GALNT9: variants seen among roughly 807,000 people sequenced by gnomAD.
GALNT9 encodes the protein GalNAc transferase 9.
In GALNT9, 47 loss-of-function variants were observed where a neutral mutation model predicts 63.1. The ratio of observed to expected loss-of-function variants is 0.75; its 90% confidence interval spans 0.59 to 0.95. The LOEUF (loss-of-function observed/expected upper bound fraction) is 0.95, where lower values mean the gene tolerates loss of function less well. Among genes scored for constraint, GALNT9 ranks in the 40% least tolerant of loss-of-function variants. The pLI, the probability that GALNT9 is intolerant of heterozygous loss-of-function variation, is 0.00. For missense variants in GALNT9, 829 were observed against 874.8 expected, an observed-to-expected ratio of 0.95 and a Z score of 0.66; for synonymous variants, 396 against 365.7, an observed-to-expected ratio of 1.08 and a Z score of -0.94.
At chr12:132,295,672 A>G (rs1270703657) in intron 1 of GALNT9, among the ~76,000 whole-genome samples, 2 of 152,204 alleles carry the variant, frequency 1.3e-5, no homozygotes, top group Non-Finnish European at 2.9e-5. Context: ...TCCCCTGGAG[A>G]CTATGGAGGG....
At chr12:132,202,784 G>A (rs891396765) in intron 7 of GALNT9, among the ~76,000 whole-genome samples, 3 of 152,050 alleles carry the variant, frequency 2.0e-5, no homozygotes, top group African/African-American at 4.8e-5. Flanking sequence ...GATGGGTCGC[G>A]GCCACCCGTC....
intron 1 of GALNT9, among the ~76,000 whole-genome samples, chr12:132,320,221 G>GTTA: frequency 6.6e-6 from 1 of 152,116 alleles, no homozygotes; most frequent in South Asian, 2.1e-4. Context: ...ATTTTTATTT[G>GTTA]TTGTTGTTTA....
At chr12:132,318,645 C>A (rs1414299947) in intron 1 of GALNT9, among the ~76,000 whole-genome samples, 2 of 152,254 alleles carry the variant, frequency 1.3e-5, no homozygotes, top group African/African-American at 4.8e-5. Flanking sequence ...GGGATGTGCA[C>A]CCCGACTGAC....
intron 1 of GALNT9, among the ~76,000 whole-genome samples, chr12:132,308,936 G>A (rs1489777193): frequency 6.6e-6 from 1 of 152,206 alleles, no homozygotes; most frequent in Admixed American, 6.5e-5. Flanking sequence ...TGTGACTTCC[G>A]TGCCTGAGAA....
At chr12:132,307,707 G>A (rs1160618329) in intron 1 of GALNT9, among the ~76,000 whole-genome samples, 4 of 151,166 alleles carry the variant, frequency 2.6e-5, no homozygotes, top group South Asian at 2.1e-4. Flanking sequence ...GGTGGCGGGC[G>A]CCTGTAGTCT....
At position 132,257,425 on chromosome 12, in the gene GALNT9, G is replaced by A. The variant is rs555034210; in HGVS notation, c.959+264C>T. Among the ~76,000 whole-genome samples, 6 of 151,008 alleles carry A rather than the reference G, an allele frequency of 4.0e-5. No homozygotes were observed. In the South Asian group the frequency reaches 1.3e-3, roughly 32 times the overall value. On this transcript the variant is annotated intron_variant, in intron 5 of 10. Transcript: ENST00000328957. ...CACCAGGTTGTGCTTGCTGGGGGAC[G>A]TCCCCAGCCCTCGTCCCCATGCCCT...
At position 132,324,458 on chromosome 12, in the gene GALNT9, C is replaced by T. The variant is rs557336248; in HGVS notation, c.238+4508G>A. On this transcript the variant is annotated intron_variant, in intron 1 of 10. Transcript: ENST00000328957. ...CCGCGCGTGCAAGAGACGCTGTCCT[C>T]GTACGGCTGACCTGCCGGGGCCGCG... 4.1e-4 allele frequency among the ~76,000 whole-genome samples: 62 copies of T among 152,112 alleles called. 1 individual carries two copies. The South Asian group carries it at 9.8e-3, about 24-fold the overall frequency.
chr12:132,217,789 GCCATCCATCCATCCGTCCATTCACCCAT>G (rs1260261290), intron 6 of GALNT9, among the ~76,000 whole-genome samples: 2 of 128,556 alleles, frequency 1.6e-5, no homozygotes, highest in Middle Eastern at 5.6e-3. Flanking sequence ...CATCCACCCA[GCCATCCATCCATCCGTCCATTCACCCAT>G]CCATCCACCC....
At chr12:132,261,907 G>A (rs1879402512) in intron 3 of GALNT9, among the ~76,000 whole-genome samples, 1 of 152,228 alleles carries the variant, frequency 6.6e-6, no homozygotes, top group African/African-American at 2.4e-5. Flanking sequence ...TGAAGCTGAG[G>A]AGGGTGGCGC....
chr12:132,204,268 GT>G (rs146896912), intron 6 of GALNT9, among the ~76,000 whole-genome samples: 3,634 of 151,340 alleles, frequency 0.024, 130 homozygotes, highest in African/African-American at 0.084. Flanking sequence ...CTTCCGTGTC[GT>G]TCCACTTAAG....
chr12:132,293,272 G>A (rs942202201), intron 1 of GALNT9, among the ~76,000 whole-genome samples: 6 of 152,210 alleles, frequency 3.9e-5, no homozygotes, highest in Admixed American at 2.0e-4. Context: ...AGTGGTTTTG[G>A]CTCTAGAGAC....
At chr12:132,199,357 C>T in intron 8 of GALNT9, 88 bp from the exon 9 acceptor site, 1 of 954,002 alleles carries the variant, frequency 1.0e-6, no homozygotes, top group Admixed American at 1.9e-5. Context: ...GCAGCCAGCA[C>T]CTAAGGAGGT....
intron 1 of GALNT9, among the ~76,000 whole-genome samples, chr12:132,287,059 G>GCCCCCCCCCC (rs57471643): frequency 1.2e-5 from 1 of 80,520 alleles, no homozygotes; most frequent in African/African-American, 4.1e-5. Context: ...CTGAGTGAGC[G>GCCCCCCCCCC]CCCCCCCCCC....
intron 2 of GALNT9, chr12:132,276,210 C>T (rs1318064837): frequency 2.6e-5 from 4 of 154,430 alleles, no homozygotes; most frequent in African/African-American, 7.2e-5. Flanking sequence ...TCCCACTCCC[C>T]CTGAGACATT....
At chr12:132,256,014 G>C (rs1555239033) in intron 5 of GALNT9, among the ~76,000 whole-genome samples, 1 of 152,092 alleles carries the variant, frequency 6.6e-6, no homozygotes, top group African/African-American at 2.4e-5. Flanking sequence ...TGGGATTACA[G>C]GCATGAACCA....
rs1458931161 is a variant in GALNT9, at chr12:132,238,945, G to A, written c.1077+8965C>T. On this transcript the variant is annotated intron_variant, in intron 6 of 10. Transcript: ENST00000328957. This position sits in a 1 kb window ranked among gnomAD's most constrained non-coding sequence, Gnocchi z 6.5. ...AAATAAATACAATAAGATACACACC[G>A]CAGTTAAAGTGGTTGGATACCACAG... Among the ~76,000 whole-genome samples, 4 of 152,114 alleles carry A rather than the reference G, an allele frequency of 2.6e-5. No homozygotes were observed. Among genetic ancestry groups the A allele is most frequent in the East Asian group, 1.9e-4 (1 of 5,198 alleles).
intron 2 of GALNT9, among the ~76,000 whole-genome samples, chr12:132,264,563 G>A (rs1158053709): frequency 2.0e-5 from 3 of 152,158 alleles, no homozygotes; most frequent in Non-Finnish European, 2.9e-5. Flanking sequence ...GCCGGAGGCC[G>A]TGTCCGCGTG....
chr12:132,230,350 G>A (rs957682063), intron 6 of GALNT9, among the ~76,000 whole-genome samples: 2 of 152,248 alleles, frequency 1.3e-5, no homozygotes, highest in East Asian at 1.9e-4. Flanking sequence ...GTCACTTTAA[G>A]CCACTAAATT....
intron 7 of GALNT9, among the ~76,000 whole-genome samples, chr12:132,201,710 C>T (rs1347961322): frequency 2.6e-5 from 4 of 152,192 alleles, no homozygotes; most frequent in Non-Finnish European, 4.4e-5. Flanking sequence ...CCGCCTGGCA[C>T]GTGTTGTCAC....
Sources: allele counts gnomAD v4.1 joint callset (sites outside exome capture counted in the v4.1 genomes callset), GRCh38; gene constraint gnomAD v4.1.1; non-coding constraint Gnocchi (gnomAD v3.1); transcripts MANE v1.5; gene names NCBI Gene and HGNC (gene_info 2026-07-23, HGNC 2026-07-21).